The following DTD1 variants were observed in gnomAD, a reference collection of about 807,000 sequenced individuals.
The protein encoded by DTD1 is D-aminoacyl-tRNA deacylase 1, also known as D-tyrosyl-tRNA deacylase 1 homolog.
DTD1 carries 13 observed loss-of-function variants against 25.6 expected under a neutral mutation model. The observed-to-expected ratio is 0.51, with a 90% CI of 0.33 to 0.81. DTD1 has a LOEUF of 0.81. DTD1 is among the 30% of genes least tolerant of loss of function. DTD1 has a pLI of 0.02. For missense variants in DTD1, 193 were observed against 266.4 expected (o/e 0.72, Z 1.92); for synonymous variants, 110 against 103.6 (o/e 1.06, Z -0.37).
At chr20:18,680,417 GT>G (rs3056280) in intron 4 of DTD1, among the ~76,000 whole-genome samples, 61 of 105,200 alleles carry the variant, frequency 5.8e-4, no homozygotes, top group Non-Finnish European at 5.2e-4. Context: ...TGTTGTCTAC[GT>G]TTTTTTTTTT....
intron 4 of DTD1, among the ~76,000 whole-genome samples, chr20:18,637,880 C>T (rs1402477842): frequency 6.6e-6 from 1 of 152,126 alleles, no homozygotes; most frequent in African/African-American, 2.4e-5. Context: ...AATTTTTTCT[C>T]CTTTGTGTCT....
At position 18,727,769 on chromosome 20, in the gene DTD1, G is replaced by T. The variant is rs542568253; in HGVS notation, c.478-16331G>T. ...ACACAGTATGTGACCTTTGTGCATG[G>T]CTTCTTTCACAGAGCAGAGCATCAT... is the stretch of plus-strand genomic sequence containing the variant. On this transcript the variant is annotated intron_variant, in intron 4 of 5. Transcript: ENST00000377452. 2.6e-5 allele frequency among the ~76,000 whole-genome samples: 4 copies of T among 152,280 alleles called. No homozygotes were observed. In the South Asian group the frequency reaches 8.3e-4, roughly 32 times the overall value.
chr20:18,660,028 A>AG (rs2060903600), intron 4 of DTD1, among the ~76,000 whole-genome samples: 1 of 151,988 alleles, frequency 6.6e-6, no homozygotes, highest in South Asian at 2.1e-4. Flanking sequence ...AGGTCAGAAG[A>AG]GGAGTTTGAG....
At chr20:18,624,661 G>C (rs1402677538) in intron 3 of DTD1, among the ~76,000 whole-genome samples, 1 of 152,150 alleles carries the variant, frequency 6.6e-6, no homozygotes, top group Non-Finnish European at 1.5e-5. Context: ...TTGAGCCTCA[G>C]TTAGACAACC....
In DTD1 at chr20:18,596,097, T is replaced by C; in HGVS notation, c.226T>C (p.Cys76Arg). ...SVMDKQYEILCVSQFTLQCVL... is the reference protein window; with the variant it reads ...SVMDKQYEILRVSQFTLQCVL... The stretch of plus-strand genomic sequence containing the variant: ...GATGGACAAACAGTACGAGATTCTG[T>C]GTGTCAGCCAGTTTACCCTCCAGTG... Residue 76 changes from cysteine to arginine, a missense_variant, in exon 3 of 6, where the codon TGT becomes CGT. Transcript: ENST00000377452. The C allele has an allele frequency of 6.2e-7, 1 of 1,614,152 alleles. No individual in the cohort carries two copies. Among genetic ancestry groups the C allele is most frequent in the Non-Finnish European group, 8.5e-7 (1 of 1,180,006 alleles).
At chr20:18,672,810 C>T (rs2060955645) in intron 4 of DTD1, among the ~76,000 whole-genome samples, 2 of 152,168 alleles carry the variant, frequency 1.3e-5, no homozygotes, top group African/African-American at 2.4e-5. Context: ...TAGCAAACTT[C>T]CTTTAGTTAA....
chr20:18,588,421 C>A (rs1199512476), intron 1 of DTD1, among the ~76,000 whole-genome samples: 7 of 152,208 alleles, frequency 4.6e-5, no homozygotes, highest in African/African-American at 1.7e-4. Flanking sequence ...TGCGGGATGG[C>A]GGAGCCTCGG....
chr20:18,701,257 G>A (rs564009247), intron 4 of DTD1, among the ~76,000 whole-genome samples: 22 of 152,306 alleles, frequency 1.4e-4, no homozygotes, highest in Middle Eastern at 3.4e-3. Context: ...CAGTTTTACA[G>A]CTGGAGAGAA....
chr20:18,740,089 C>T (rs2061271146), intron 4 of DTD1, among the ~76,000 whole-genome samples: 1 of 151,988 alleles, frequency 6.6e-6, no homozygotes, highest in Non-Finnish European at 1.5e-5. Context: ...GTGCCTCTGC[C>T]TCAGCACAGA....
intron 1 of DTD1, chr20:18,592,284 C>G (rs2060592587): frequency 6.6e-6 from 1 of 152,044 alleles, no homozygotes; most frequent in Non-Finnish European, 1.5e-5. Context: ...AAATAATTGG[C>G]AAAAAATAGA....
chr20:18,654,730 T>G (rs892874071), intron 4 of DTD1, among the ~76,000 whole-genome samples: 2 of 152,148 alleles, frequency 1.3e-5, no homozygotes, highest in East Asian at 3.9e-4. Context: ...TGTATTTTTC[T>G]CTGTCAGAAA....
chr20:18,649,842 C>T (rs890854948), intron 4 of DTD1, among the ~76,000 whole-genome samples: 1 of 152,154 alleles, frequency 6.6e-6, no homozygotes, highest in African/African-American at 2.4e-5. Flanking sequence ...TGTCAGACCC[C>T]CATATTGTGT....
chr20:18,751,823 T>C (rs965154045), intron 5 of DTD1, among the ~76,000 whole-genome samples: 5 of 147,184 alleles, frequency 3.4e-5, no homozygotes, highest in African/African-American at 7.4e-5. Flanking sequence ...TTTGCTGGTA[T>C]AGACTTCTAG....
intron 5 of DTD1, among the ~76,000 whole-genome samples, chr20:18,760,479 T>C (rs1045385538): frequency 6.6e-6 from 1 of 152,214 alleles, no homozygotes; most frequent in Admixed American, 6.5e-5. Context: ...TGCAGGTCTG[T>C]TGGAGTTTGC....
At chr20:18,673,218 T>A (rs567634720) in intron 4 of DTD1, among the ~76,000 whole-genome samples, 1 of 152,348 alleles carries the variant, frequency 6.6e-6, no homozygotes, top group Admixed American at 6.5e-5. Context: ...CAAGTTGAAA[T>A]TTTGAGGTTA....
At chr20:18,715,303 G>A (rs1228716998) in intron 4 of DTD1, among the ~76,000 whole-genome samples, 2 of 152,174 alleles carry the variant, frequency 1.3e-5, no homozygotes, top group East Asian at 3.8e-4. Flanking sequence ...TGGGACCCCT[G>A]TTGTTGATGG....
intron 3 of DTD1, among the ~76,000 whole-genome samples, chr20:18,625,595 C>T (rs1441548908): frequency 2.6e-5 from 4 of 152,224 alleles, no homozygotes; most frequent in Admixed American, 2.0e-4. Context: ...GCTCTAGGCA[C>T]AATCCTGCGC....
chr20:18,703,423 A>G (rs920879682), intron 4 of DTD1, among the ~76,000 whole-genome samples: 30 of 152,094 alleles, frequency 2.0e-4, no homozygotes, highest in African/African-American at 6.3e-4. Flanking sequence ...CCTTTTCTTT[A>G]GCTTGAGGAA....
At chr20:18,671,460 G>A (rs1755240840) in intron 4 of DTD1, among the ~76,000 whole-genome samples, 1 of 152,164 alleles carries the variant, frequency 6.6e-6, no homozygotes, top group Non-Finnish European at 1.5e-5. Flanking sequence ...GCCAATTGCA[G>A]TCTGAGTTAT....
Sources: allele counts gnomAD v4.1 joint callset (sites outside exome capture counted in the v4.1 genomes callset), GRCh38; gene constraint gnomAD v4.1.1; transcripts MANE v1.5; gene names NCBI Gene and HGNC (gene_info 2026-07-23, HGNC 2026-07-21).